Variants in ZBTB25 observed in about 807,000 individuals in gnomAD.
ZBTB25 encodes zinc finger and BTB domain containing 25.
In ZBTB25, 20 loss-of-function variants were observed where a neutral mutation model predicts 34.2. The ratio of observed to expected loss-of-function variants is 0.58; its 90% CI spans 0.41 to 0.85. ZBTB25 has a LOEUF of 0.85. ZBTB25 is among the 40% of genes least tolerant of loss of function. The probability of loss-of-function intolerance (pLI) is 0.00; values close to 1 mark genes in which losing one functional copy is unlikely to be tolerated. For synonymous variants in ZBTB25, 175 were observed against 186.4 expected (o/e 0.94, Z 0.50); for missense variants, 437 against 521.8 (o/e 0.84, Z 1.58).
chr14:64,459,599 A>C (rs571745862), intron 2 of ZBTB25, among the ~76,000 whole-genome samples: 1 of 152,260 alleles, frequency 6.6e-6, no homozygotes, highest in Non-Finnish European at 1.5e-5. Flanking sequence ...ATCATTTTCA[A>C]GTCCATTTAT....
intron 2 of ZBTB25, among the ~76,000 whole-genome samples, chr14:64,451,791 G>A (rs902353163): frequency 3.3e-5 from 5 of 152,176 alleles, no homozygotes; most frequent in Admixed American, 2.0e-4. Context: ...TTCAACCAAA[G>A]TGCTTTTGCT....
In ZBTB25 at chr14:64,486,729, T is replaced by C. The variant is rs2078872461; in HGVS notation, c.*194A>G. 1.2e-5 allele frequency: 15 copies of C among 1,247,788 alleles called. No homozygotes were observed. The highest frequency in any genetic ancestry group is 7.6e-5 in the Admixed American group (2 of 26,158). The allele number at this position is 1,247,788 out of a possible 1,614,324, so 77.3% of individuals were successfully genotyped here. On this transcript the variant is annotated 3_prime_UTR_variant, in exon 3 of 3. Transcript: ENST00000608382. ...GTTTGTGAAAAGTTCACAGTAGTAA[T>C]TGAATGTTACATTTTAATAGCCACA...
intron 1 of ZBTB25, 22 bp downstream of exon 1, chr14:64,503,625 CGGGGCAGCCCACAG>C: frequency 2.0e-6 from 2 of 985,084 alleles, no homozygotes; most frequent in Non-Finnish European, 2.4e-6. Context: ...GGACTGAGCC[CGGGGCAGCCCACAG>C]GGGCAGGACC....
chr14:64,491,705 A>G (rs996247270), intron 1 of ZBTB25, among the ~76,000 whole-genome samples: 1 of 152,186 alleles, frequency 6.6e-6, no homozygotes, highest in Non-Finnish European at 1.5e-5. Flanking sequence ...TACTGTGGAG[A>G]GAGCCCTGGT....
chr14:64,450,446 A>T (rs1279169026), intron 2 of ZBTB25, among the ~76,000 whole-genome samples: 1 of 152,028 alleles, frequency 6.6e-6, no homozygotes, highest in Non-Finnish European at 1.5e-5. Context: ...AAGCTTCATC[A>T]TTTTTTCCAT....
chr14:64,494,743 T>C (rs2079211703), intron 1 of ZBTB25, among the ~76,000 whole-genome samples: 3 of 152,166 alleles, frequency 2.0e-5, no homozygotes, highest in African/African-American at 7.2e-5. Flanking sequence ...ACATACCTCT[T>C]CCCTTTACAT....
chr14:64,453,924 C>G, intron 2 of ZBTB25: 4 of 1,030,270 alleles, frequency 3.9e-6, no homozygotes, highest in Non-Finnish European at 6.1e-6. Context: ...GTCACAATCT[C>G]TGGGTCCTCC....
In ZBTB25 at chr14:64,498,374, G is replaced by A. The variant is rs376342354; in HGVS notation, c.-8+5287C>T. 4.6e-4 allele frequency among the ~76,000 whole-genome samples: 70 copies of A among 150,884 alleles called. 1 individual carries two copies. The East Asian group carries it at 0.012, about 27-fold the overall frequency. On this transcript the variant is annotated intron_variant, in intron 1 of 2. Coordinates refer to ENST00000608382, the MANE Select transcript of ZBTB25 (RefSeq NM_006977.5). ...AGGCTGCAGGCTGGAGTGCAATGGC[G>A]CGATCTCGGCTCAATGCAACCTCCG... is the stretch of plus-strand genomic sequence containing the variant.
At chr14:64,469,781 CTA>C (rs1255468915) in intron 2 of ZBTB25, 4 of 865,282 alleles carry the variant, frequency 4.6e-6, no homozygotes, top group Non-Finnish European at 7.0e-6. Flanking sequence ...TTTATCATCT[CTA>C]GAACTTAAAA....
At chr14:64,503,957 C>T (rs2167766), upstream of ZBTB25, 1 of 152,122 alleles carries the variant, frequency 6.6e-6, no homozygotes, top group Non-Finnish European at 1.5e-5. Context: ...CGCCACAGTT[C>T]GCAGTTGTGA....
In ZBTB25 at chr14:64,487,513, A is replaced by G. The variant is rs374873574; in HGVS notation, c.718T>C (p.Cys240Arg). ...FTENSVKIHL[C>R]HYCGERFDSR... ...TCAAAACGTTCCCCACAGTAATGGC[A>G]TAAGTGTATTTTGACACTGTTTTCA... Residue 240 changes from cysteine to arginine, a missense_variant, in exon 3 of 3, where the codon TGC (cysteine) becomes CGC (arginine). Cys to Arg is a radical substitution (Grantham distance 180). Transcript: ENST00000608382. The G allele has an allele frequency of 2.0e-5, 33 of 1,613,758 alleles. No individual in the cohort carries two copies. Among genetic ancestry groups the G allele is most frequent in the Middle Eastern group, 3.3e-4 (2 of 6,082 alleles).
intron 1 of ZBTB25, among the ~76,000 whole-genome samples, chr14:64,498,755 T>A (rs1445240209): frequency 2.0e-5 from 3 of 152,156 alleles, no homozygotes; most frequent in African/African-American, 4.8e-5. Flanking sequence ...TGCCTCAGCC[T>A]CCCGAGTAGC....
At chr14:64,490,139 C>CT (rs2079025710) in intron 2 of ZBTB25, among the ~76,000 whole-genome samples, 1 of 132,090 alleles carries the variant, frequency 7.6e-6, no homozygotes, top group Non-Finnish European at 1.5e-5. Context: ...ACCTGGGAGG[C>CT]AGAGGTTGCA....
chr14:64,490,769 T>C (rs1184101282), intron 1 of ZBTB25, among the ~76,000 whole-genome samples: 1 of 152,204 alleles, frequency 6.6e-6, no homozygotes, highest in Non-Finnish European at 1.5e-5. Context: ...CCATAAAATA[T>C]GACCCTTTTT....
downstream of ZBTB25, among the ~76,000 whole-genome samples, chr14:64,475,931 C>T (rs931541445): frequency 9.8e-5 from 15 of 152,298 alleles, no homozygotes; most frequent in African/African-American, 3.6e-4. Context: ...AACTTTTGGC[C>T]TTGATATGAC....
At position 64,486,358 on chromosome 14, in the gene ZBTB25, G is replaced by A. The variant is rs1215114648; in HGVS notation, c.*565C>T. On this transcript the variant is annotated 3_prime_UTR_variant, in exon 3 of 3. Coordinates refer to ENST00000608382, the MANE Select transcript of ZBTB25 (RefSeq NM_006977.5). The stretch of plus-strand genomic sequence containing the variant: ...AAGTAAAGAGAAGCCATGTAGGTAA[G>A]ATGTTGTGGAGCTAGTAGTTAAAAA... 5 of 985,056 alleles carry A rather than the reference G, an allele frequency of 5.1e-6. No homozygotes were observed. Among genetic ancestry groups the A allele is most frequent in the African/African-American group, 3.5e-5 (2 of 57,164 alleles). The allele number at this position is 985,056 out of a possible 1,614,324, so 61.0% of individuals were successfully genotyped here.
rs371347589 is a variant in ZBTB25 at position 64,468,474 on chromosome 14, G to A, written c.174-18836C>T. 80 of 1,614,116 alleles carry A rather than the reference G, an allele frequency of 5.0e-5. 3 individuals carry two copies. Among genetic ancestry groups the A allele is most frequent in the Admixed American group, 3.2e-4 (19 of 60,032 alleles). ...GCAGAAGGTAGTCCTGGGGCTGAAA[G>A]GCAGAAGGAAAAGGCATCCATGCTT... is the stretch of plus-strand genomic sequence containing the variant. On this transcript the variant is annotated intron_variant, in intron 2 of 2. Coordinates refer to the ZBTB25 transcript ENST00000555220.
In ZBTB25 at chr14:64,451,738, CCA is replaced by C. The variant is rs1298975568; in HGVS notation, c.174-2102_174-2101del. 5.3e-5 allele frequency among the ~76,000 whole-genome samples: 8 copies of C among 152,320 alleles called. No homozygotes were observed. In the Middle Eastern group the frequency reaches 0.01, roughly 194 times the overall value. Reference sequence around the variant, plus strand: ...ATCCATTCTGGCAAACAGGAGGCTGCCACTTTTTGTCTTACTCAGCGTCTGCT... The same window carrying C: ...ATCCATTCTGGCAAACAGGAGGCTGCCTTTTTGTCTTACTCAGCGTCTGCT... On this transcript the variant is annotated intron_variant, in intron 2 of 2. Transcript: ENST00000555220.
intron 2 of ZBTB25, chr14:64,459,657 C>T: frequency 1.0e-6 from 1 of 995,216 alleles, no homozygotes; most frequent in Non-Finnish European, 1.4e-6. Flanking sequence ...TAAATGTTAA[C>T]AGCTTTGGCA....
Sources: gnomAD v4.1 joint callset for allele counts (sites outside exome capture counted in the v4.1 genomes callset) on GRCh38, gnomAD v4.1.1 for gene constraint, MANE v1.5 for transcripts, NCBI Gene and HGNC (gene_info 2026-07-23, HGNC 2026-07-21) for gene names.